The following ANXA5 variants were observed in gnomAD, a reference collection of about 807,000 sequenced individuals.
ANXA5 encodes the protein CBP-I.
Under a neutral mutation model 48.1 loss-of-function variants are expected in ANXA5, and 40 were observed. The ratio of observed to expected loss-of-function variants is 0.83; its 90% CI spans 0.65 to 1.08. The LOEUF (loss-of-function observed/expected upper bound fraction) is 1.08, where lower values mean the gene tolerates loss of function less well. Ranked by LOEUF, ANXA5 falls within the 50% of genes least tolerant of loss-of-function variation. ANXA5 has a pLI of 0.00. For missense variants in ANXA5, 357 were observed against 376.8 expected, an observed-to-expected ratio of 0.95 and a Z score of 0.44; for synonymous variants, 113 against 129.1, an observed-to-expected ratio of 0.88 and a Z score of 0.85.
intron 2 of ANXA5, among the ~76,000 whole-genome samples, chr4:121,687,961 C>T (rs1219733931): frequency 6.6e-6 from 1 of 152,168 alleles, no homozygotes; most frequent in Non-Finnish European, 1.5e-5. Flanking sequence ...ATATCTGTGT[C>T]CCCTCAAAAT....
In ANXA5 at chr4:121,686,308, C is replaced by T. The variant is rs774398207; in HGVS notation, c.74G>A (p.Arg25Gln). ...FDERADAETL[R>Q]KAMKGLGTDE... ...TTTACCCAAGCCTTTCATAGCCTTC[C>T]GAAGAGTTTCTGCATCAGCCCGCTC... The change falls in exon 3 of 13, where the codon CGG (arginine) becomes CAG (glutamine). Residue 25 changes from arginine to glutamine, a missense_variant. Physicochemically the swap from Arg to Gln is conservative, Grantham distance 43. Coordinates refer to ENST00000296511, the MANE Select transcript of ANXA5 (RefSeq NM_001154.4). The T allele has an allele frequency of 2.3e-5, 37 of 1,613,958 alleles. No individual in the cohort carries two copies. The highest frequency in any genetic ancestry group is 3.3e-5 in the South Asian group (3 of 91,058).
At position 121,681,688 on chromosome 4, in the gene ANXA5, T is replaced by C. The variant is rs1250392564; in HGVS notation, c.377A>G (p.Lys126Arg). The C allele has an allele frequency of 2.5e-6, 4 of 1,611,832 alleles. No homozygotes were observed. The highest frequency in any genetic ancestry group is 2.2e-5 in the South Asian group (2 of 90,848). ...SRTPEELRAI[K>R]QVYEEEYGSS... ...ACATTTACCTTCTTCATAAACTTGT[T>C]TGATGGCTCTCAGTTCTTCAGGTGT... The change falls in exon 6 of 13, where the codon AAA becomes AGA. Residue 126 changes from lysine (K) to arginine (R), a missense_variant. Lys to Arg is a conservative substitution (Grantham distance 26, BLOSUM62 2). Transcript: ENST00000296511.
chr4:121,693,472 G>C (rs1030225603), intron 2 of ANXA5, among the ~76,000 whole-genome samples: 1 of 152,116 alleles, frequency 6.6e-6, no homozygotes, highest in Non-Finnish European at 1.5e-5. Context: ...TGTATTTCAG[G>C]AATGAATCTA....
chr4:121,686,167 A>G (rs1345257028), intron 3 of ANXA5, 121 bp downstream of exon 3: 4 of 750,906 alleles, frequency 5.3e-6, no homozygotes, highest in Non-Finnish European at 6.6e-6. Flanking sequence ...TGTTATCTTA[A>G]CATATCTCTT....
chr4:121,695,954 A>C (rs1344883675), intron 2 of ANXA5, among the ~76,000 whole-genome samples: 2 of 151,982 alleles, frequency 1.3e-5, no homozygotes, highest in African/African-American at 4.8e-5. Context: ...TAGATTATCA[A>C]TTTCTGAAAC....
At chr4:121,690,565 AAC>A (rs1724966616) in intron 2 of ANXA5, among the ~76,000 whole-genome samples, 1 of 152,192 alleles carries the variant, frequency 6.6e-6, no homozygotes, top group Admixed American at 6.5e-5. Flanking sequence ...GGCTTTTAAA[AAC>A]ACAGTTAAGA....
Position 121,672,626 on chromosome 4 carries a change from C to T in ANXA5, c.532G>A (p.Ala178Thr). 2.5e-6 allele frequency: 4 copies of T among 1,612,068 alleles called. No individual in the cohort carries two copies. Among genetic ancestry groups the T allele is most frequent in the East Asian group, 4.5e-5 (2 of 44,860 alleles). ...TTAAGTTCTCCAGCCTGAAATAAAG[C>T]CTGCAAAAATTTCAAACTCAATTAA... ...DEAQVEQDAQ[A>T]LFQAGELKWG... The change falls in exon 9 of 13, where the codon GCT (alanine) becomes ACT (threonine). Residue 178 changes from alanine (A) to threonine (T), a missense_variant and splice_region_variant. Physicochemically the swap from Ala to Thr is moderately conservative, Grantham distance 58. Transcript: ENST00000296511.
At chr4:121,681,194 T>C (rs1184805854) in intron 6 of ANXA5, among the ~76,000 whole-genome samples, 1 of 152,238 alleles carries the variant, frequency 6.6e-6, no homozygotes, top group Non-Finnish European at 1.5e-5. Context: ...CAGAATATTT[T>C]ATTCAAGCAC....
Position 121,687,493 on chromosome 4 carries a change from G to A in ANXA5, c.10-1121C>T, listed in dbSNP as rs183756336. Among the ~76,000 whole-genome samples, 6 of 152,140 alleles carry A rather than the reference G, an allele frequency of 3.9e-5. No homozygotes were observed. In the East Asian group the frequency reaches 1.2e-3, roughly 29 times the overall value. Reference sequence around the variant, plus strand: ...TAAACTGAGAAACAAACAGCTAAAAGGACTGTAAAGCTAGCCTCGTTTACA... The same window carrying A: ...TAAACTGAGAAACAAACAGCTAAAAAGACTGTAAAGCTAGCCTCGTTTACA... On this transcript the variant is annotated intron_variant, in intron 2 of 12. Transcript: ENST00000296511.
chr4:121,671,282 AAAT>A (rs1724608380), intron 10 of ANXA5, among the ~76,000 whole-genome samples: 4 of 152,312 alleles, frequency 2.6e-5, no homozygotes, highest in African/African-American at 4.8e-5. Flanking sequence ...GTTTATCAAT[AAAT>A]AATATTTTTA....
intron 4 of ANXA5, among the ~76,000 whole-genome samples, chr4:121,683,739 C>A (rs1021920612): frequency 6.6e-6 from 1 of 151,950 alleles, no homozygotes; most frequent in Non-Finnish European, 1.5e-5. Flanking sequence ...AAAAAGAATA[C>A]CTTTAAAAGT....
In ANXA5 at chr4:121,672,607, T is replaced by A; in HGVS notation, c.551A>T (p.Glu184Val). ...TTCTTCATCTGTCCCCCATTTAAGT[T>A]CTCCAGCCTGAAATAAAGCCTGCAA... ...QDAQALFQAGELKWGTDEEKF... is the reference protein window; with the variant it reads ...QDAQALFQAGVLKWGTDEEKF... Residue 184 changes from glutamate (E) to valine (V), a missense_variant, in exon 9 of 13, where the codon GAA (glutamate) becomes GTA (valine). Transcript: ENST00000296511. 1 of 1,613,676 alleles carries A rather than the reference T, an allele frequency of 6.2e-7. No individual in the cohort carries two copies. The highest frequency in any genetic ancestry group is 8.5e-7 in the Non-Finnish European group (1 of 1,179,726).
chr4:121,690,626 A>G (rs1724967788), intron 2 of ANXA5, among the ~76,000 whole-genome samples: 1 of 152,206 alleles, frequency 6.6e-6, no homozygotes, highest in Admixed American at 6.5e-5. Flanking sequence ...AAACTTCTGG[A>G]GAGACAGAGA....
intron 2 of ANXA5, among the ~76,000 whole-genome samples, chr4:121,690,010 C>T (rs965185702): frequency 3.3e-5 from 5 of 152,010 alleles, no homozygotes; most frequent in East Asian, 1.9e-4. Flanking sequence ...GGGGCCACCA[C>T]GCAAGACAAT....
chr4:121,684,496 G>A (rs1464698770), intron 4 of ANXA5, among the ~76,000 whole-genome samples, 181 bp downstream of exon 4: 1 of 152,226 alleles, frequency 6.6e-6, no homozygotes, highest in Admixed American at 6.5e-5. Context: ...GTGAGGATAA[G>A]CTGGGTGAGC....
intron 2 of ANXA5, among the ~76,000 whole-genome samples, chr4:121,690,538 C>T (rs752314927): frequency 6.6e-6 from 1 of 151,490 alleles, no homozygotes; most frequent in Admixed American, 6.6e-5. Context: ...CTCAATGAAA[C>T]AACAGTTTGC....
rs779297222 is a variant in ANXA5, at chr4:121,681,723, A to G, written c.342T>C (p.Ile114=). ...GTNEKVLTEI[I]ASRTPEELRA... ...TCAGTTCTTCAGGTGTCCTTGAAGC[A>G]ATAATTTCTGTCAGTACTTTTTCAT... Residue 114 remains isoleucine (I), a synonymous_variant, in exon 6 of 13, where the codon ATT becomes ATC. Coordinates refer to ENST00000296511, the MANE Select transcript of ANXA5 (RefSeq NM_001154.4). The G allele has an allele frequency of 6.2e-7, 1 of 1,612,886 alleles. No individual in the cohort carries two copies. Among genetic ancestry groups the G allele is most frequent in the Non-Finnish European group, 8.5e-7 (1 of 1,179,300 alleles).
At chr4:121,696,292 A>G (rs1725080410) in intron 2 of ANXA5, among the ~76,000 whole-genome samples, 1 of 151,954 alleles carries the variant, frequency 6.6e-6, no homozygotes, top group African/African-American at 2.4e-5. Flanking sequence ...TTACACATTC[A>G]CTCATGAAAA....
chr4:121,688,899 G>C (rs150498422), intron 2 of ANXA5, among the ~76,000 whole-genome samples: 10 of 152,224 alleles, frequency 6.6e-5, no homozygotes, highest in African/African-American at 2.2e-4. Flanking sequence ...CACTTGTCTC[G>C]TGGAGAGGTT....
Sources: gnomAD v4.1 joint callset for allele counts (sites outside exome capture counted in the v4.1 genomes callset) on GRCh38, gnomAD v4.1.1 for gene constraint, MANE v1.5 for transcripts, NCBI Gene and HGNC (gene_info 2026-07-23, HGNC 2026-07-21) for gene names.